IREB2: variants seen among roughly 807,000 people sequenced by gnomAD.
The protein encoded by IREB2 is iron-responsive element-binding protein 2.
In IREB2, 39 loss-of-function variants were observed where a neutral mutation model predicts 118.8. The observed-to-expected ratio is 0.33, with a 90% CI of 0.25 to 0.43. The LOEUF (loss-of-function observed/expected upper bound fraction) is 0.43, where lower values mean the gene tolerates loss of function less well. IREB2 is among the 20% of genes least tolerant of loss of function. The probability of loss-of-function intolerance (pLI) is 1.00; values close to 1 mark genes in which losing one functional copy is unlikely to be tolerated. For missense variants in IREB2, 900 were observed against 1,147.3 expected (o/e 0.78, Z 3.11); for synonymous variants, 372 against 392.2 (o/e 0.95, Z 0.61).
rs973677013 is a variant in IREB2 at position 78,439,991 on chromosome 15, G to A, written c.106+110G>A. On this transcript the variant is annotated intron_variant, in intron 2 of 21. Coordinates refer to ENST00000258886, the MANE Select transcript of IREB2 (RefSeq NM_004136.4). ...ATGTATTTCCACCGTATTGTAACAG[G>A]TACACCTACACATACCTATACCATT... 13 of 702,722 alleles carry A rather than the reference G, an allele frequency of 1.8e-5. No homozygotes were observed. The Middle Eastern group carries it at 3.1e-3, about 168-fold the overall frequency. The allele number at this position is 702,722 out of a possible 1,614,324, so 43.5% of individuals were successfully genotyped here.
Position 78,454,497 on chromosome 15 carries a change from G to C in IREB2, c.107-8425G>C, listed in dbSNP as rs114852857. ...GCATAGAGTAGATTGGTGGTTTCTT[G>C]GGTTAGAGAGGAGGGGGAGAGGGAT... On this transcript the variant is annotated intron_variant, in intron 2 of 21. Transcript: ENST00000258886. Among the ~76,000 whole-genome samples the C allele has an allele frequency of 6.1e-3, 933 of 152,242 alleles. 13 individuals carry two copies. The highest frequency in any genetic ancestry group is 0.021 in the African/African-American group (877 of 41,540).
intron 7 of IREB2, among the ~76,000 whole-genome samples, chr15:78,472,171 A>AATG (rs2051390984): frequency 6.6e-6 from 1 of 152,136 alleles, no homozygotes; most frequent in South Asian, 2.1e-4. Context: ...TGAATAATTG[A>AATG]ATGATGATGA....
At chr15:78,443,219 G>A (rs992405901) in intron 2 of IREB2, among the ~76,000 whole-genome samples, 1 of 152,200 alleles carries the variant, frequency 6.6e-6, no homozygotes, top group African/African-American at 2.4e-5. Context: ...TGTAATAAAA[G>A]TTATGTGAAT....
Position 78,438,359 on chromosome 15 carries a change from C to A in IREB2, c.19+3C>A. The A allele has an allele frequency of 6.3e-7, 1 of 1,597,520 alleles. No homozygotes were observed. Among genetic ancestry groups the A allele is most frequent in the Non-Finnish European group, 8.5e-7 (1 of 1,172,904 alleles). On this transcript the variant is annotated splice_donor_region_variant and intron_variant, in intron 1 of 21. Coordinates refer to ENST00000258886, the MANE Select transcript of IREB2 (RefSeq NM_004136.4). ...GGCGATGGACGCCCCAAAAGCAGGT[C>A]AGTTTCGGGCCTCCGAGCTGGGTCT...
chr15:78,481,597 C>T (rs963359847), intron 10 of IREB2: 1 of 149,928 alleles, frequency 6.7e-6, no homozygotes, highest in African/African-American at 2.5e-5. Context: ...GATCTCCTGA[C>T]CTCATGATCC....
chr15:78,489,541 G>T (rs2051715384), intron 16 of IREB2, among the ~76,000 whole-genome samples: 1 of 151,876 alleles, frequency 6.6e-6, no homozygotes, highest in African/African-American at 2.4e-5. Flanking sequence ...TTGGGAGATG[G>T]CACCCCACTC....
chr15:78,483,017 G>T (rs1398630672), intron 10 of IREB2, among the ~76,000 whole-genome samples: 1 of 152,134 alleles, frequency 6.6e-6, no homozygotes, highest in East Asian at 1.9e-4. Flanking sequence ...GGGATTACAG[G>T]TGTGAGCCAC....
At chr15:78,485,630 C>T (rs2051646425) in intron 12 of IREB2, 75 bp from the exon 13 acceptor site, 2 of 1,418,058 alleles carry the variant, frequency 1.4e-6, no homozygotes, top group Non-Finnish European at 1.9e-6. Context: ...AATTACTTCT[C>T]ACTTTTTACT....
chr15:78,480,940 CAG>C (rs1482512695), intron 10 of IREB2, among the ~76,000 whole-genome samples: 1 of 150,970 alleles, frequency 6.6e-6, no homozygotes, highest in African/African-American at 2.4e-5. Flanking sequence ...ACCTGGGAGA[CAG>C]AGGTTGCAAT....
chr15:78,485,101 G>A (rs896821422), intron 12 of IREB2, among the ~76,000 whole-genome samples, 181 bp downstream of exon 12: 1 of 152,176 alleles, frequency 6.6e-6, no homozygotes, highest in Non-Finnish European at 1.5e-5. Context: ...TTATTACACC[G>A]AAGGTAAATT....
chr15:78,438,656 C>A (rs575203618), intron 1 of IREB2: 1 of 493,594 alleles, frequency 2.0e-6, no homozygotes. Flanking sequence ...CTTCCTGGCC[C>A]CCGTCAGCAA....
At chr15:78,469,673 G>A (rs766698405) in intron 5 of IREB2, among the ~76,000 whole-genome samples, 1 of 151,900 alleles carries the variant, frequency 6.6e-6, no homozygotes, top group African/African-American at 2.4e-5. Flanking sequence ...GTAGTGAGCC[G>A]AGATCATGTC....
Position 78,497,104 on chromosome 15 carries a change from A to G in IREB2, c.2596-22A>G, listed in dbSNP as rs758048187. ...TAACTTTCAGAAGTGATTAGAGGGA[A>G]TAAAATGCACATTTATTACAGGGTG... On this transcript the variant is annotated intron_variant, in intron 20 of 21. Transcript: ENST00000258886. 2.3e-5 allele frequency: 37 copies of G among 1,595,142 alleles called. No homozygotes were observed. The South Asian group carries it at 3.4e-4, about 15-fold the overall frequency.
At chr15:78,465,207 A>G in intron 3 of IREB2, 44 bp from the exon 4 acceptor site, 1 of 1,530,056 alleles carries the variant, frequency 6.5e-7, no homozygotes, top group Non-Finnish European at 8.9e-7. Flanking sequence ...AAGCATGTAT[A>G]AAAAACAATT....
rs1364685390 is a variant in IREB2 at position 78,499,464 on chromosome 15, C to T, written c.*1321C>T. ...CTTTCTATGACCTAGTTAGTTACTG[C>T]AATTCAGAATTAGTTCACATTGCAT... On this transcript the variant is annotated 3_prime_UTR_variant, in exon 22 of 22. Transcript: ENST00000258886. 1 of 152,034 alleles carries T rather than the reference C, an allele frequency of 6.6e-6. No individual in the cohort carries two copies. Among genetic ancestry groups the T allele is most frequent in the Admixed American group, 6.6e-5 (1 of 15,252 alleles). 9.4% of individuals were successfully genotyped at this position (152,034 alleles called of 1,614,324 possible).
chr15:78,469,584 G>A (rs1465266880), intron 5 of IREB2, among the ~76,000 whole-genome samples: 1 of 152,058 alleles, frequency 6.6e-6, no homozygotes, highest in African/African-American at 2.4e-5. Flanking sequence ...TTAGCCGGGT[G>A]TGGTGGTGCA....
chr15:78,471,327 G>A lies in IREB2; in HGVS notation c.700-414G>A, dbSNP rs181904003. On this transcript the variant is annotated intron_variant, in intron 6 of 21. Coordinates refer to ENST00000258886, the MANE Select transcript of IREB2 (RefSeq NM_004136.4). ...CCCAGCCACTTTAGTAGTTTCTAAA[G>A]GTTTTATAGTAGTAGAACGCTTTTG... is the stretch of plus-strand genomic sequence containing the variant. Among the ~76,000 whole-genome samples the A allele has an allele frequency of 2.6e-5, 4 of 152,284 alleles. No individual in the cohort carries two copies. In the East Asian group the frequency reaches 7.7e-4, roughly 29 times the overall value.
intron 8 of IREB2, 90 bp from the exon 9 acceptor site, chr15:78,476,098 G>C: frequency 1.1e-6 from 1 of 925,584 alleles, no homozygotes. Context: ...CACTAGTATT[G>C]GTTAAAAATT....
chr15:78,464,474 G>A (rs375447135), intron 3 of IREB2, among the ~76,000 whole-genome samples: 1 of 152,060 alleles, frequency 6.6e-6, no homozygotes, highest in Non-Finnish European at 1.5e-5. Flanking sequence ...ATACATAGCC[G>A]CATAAGAAAT....
Sources: gnomAD v4.1 joint callset for allele counts (sites outside exome capture counted in the v4.1 genomes callset) on GRCh38, gnomAD v4.1.1 for gene constraint, MANE v1.5 for transcripts, NCBI Gene and HGNC (gene_info 2026-07-23, HGNC 2026-07-21) for gene names.